Variants in LUZP2 observed in about 807,000 individuals in gnomAD.
The protein encoded by LUZP2 is leucine zipper protein 2.
In LUZP2, 52 loss-of-function variants were observed where a neutral mutation model predicts 51.6. The ratio of observed to expected loss-of-function variants is 1.01; its 90% CI spans 0.81 to 1.27. The LOEUF is 1.27. Among genes scored for constraint, LUZP2 ranks in the 50% most tolerant of loss-of-function variants. The probability of loss-of-function intolerance (pLI) is 0.00; values close to 1 mark genes in which losing one functional copy is unlikely to be tolerated. For missense variants in LUZP2, 436 were observed against 395.4 expected, an observed-to-expected ratio of 1.10 and a Z score of -0.87; for synonymous variants, 154 against 137.3, an observed-to-expected ratio of 1.12 and a Z score of -0.85.
intron 8 of LUZP2, 106 bp downstream of exon 8, chr11:24,976,771 T>A: frequency 1.7e-6 from 1 of 598,420 alleles, no homozygotes; most frequent in Non-Finnish European, 2.6e-6. Context: ...TATTAATGTG[T>A]TTCTAGATGC....
chr11:25,045,050 G>A (rs1411460315), intron 9 of LUZP2, among the ~76,000 whole-genome samples: 2 of 17,642 alleles, frequency 1.1e-4, no homozygotes, highest in Non-Finnish European at 2.0e-4. Context: ...CACACTCTGG[G>A]GACTGTTGTG....
chr11:24,756,522 A>G (rs181566443), intron 4 of LUZP2, among the ~76,000 whole-genome samples: 1 of 152,302 alleles, frequency 6.6e-6, no homozygotes. Flanking sequence ...CCCAGGAATC[A>G]AAGGTTCTTC....
intron 10 of LUZP2, among the ~76,000 whole-genome samples, chr11:25,076,847 A>G (rs1370356095): frequency 6.7e-6 from 1 of 150,354 alleles, no homozygotes; most frequent in Non-Finnish European, 1.5e-5. Context: ...AATGACTGGG[A>G]TCTTAGTTCC....
intron 5 of LUZP2, among the ~76,000 whole-genome samples, chr11:24,887,547 A>G (rs1852709790): frequency 6.6e-6 from 1 of 152,210 alleles, no homozygotes; most frequent in Non-Finnish European, 1.5e-5. Context: ...TGGTGCCTGT[A>G]AGTTATTATC....
At chr11:24,920,451 C>T (rs1352907506) in intron 7 of LUZP2, among the ~76,000 whole-genome samples, 1 of 151,754 alleles carries the variant, frequency 6.6e-6, no homozygotes, top group Non-Finnish European at 1.5e-5. Context: ...GTATCTACTC[C>T]CCCAAAAAGA....
chr11:24,544,846 C>A (rs1274427504), intron 1 of LUZP2, among the ~76,000 whole-genome samples: 3 of 152,016 alleles, frequency 2.0e-5, no homozygotes, highest in African/African-American at 4.8e-5. Context: ...TTTTTTAGGT[C>A]TTTAAGGAAT....
At chr11:25,075,863 T>G (rs1360135956) in intron 10 of LUZP2, among the ~76,000 whole-genome samples, 1 of 152,156 alleles carries the variant, frequency 6.6e-6, no homozygotes, top group East Asian at 1.9e-4. Context: ...CTATAAACCT[T>G]TTTATTTATC....
chr11:25,071,090 C>T (rs1446154), intron 10 of LUZP2, among the ~76,000 whole-genome samples: 135,726 of 151,934 alleles, frequency 0.89, 61,765 homozygotes, highest in Non-Finnish European at 0.98. Context: ...ATGACCATGT[C>T]ATGCAATTTT....
chr11:24,839,514 A>G (rs2134196553), intron 5 of LUZP2, among the ~76,000 whole-genome samples: 1 of 151,812 alleles, frequency 6.6e-6, no homozygotes, highest in African/African-American at 2.4e-5. Context: ...TGTGCTACTG[A>G]ATTTAGTACT....
intron 9 of LUZP2, 36 bp downstream of exon 9, chr11:24,983,329 G>A: frequency 1.3e-6 from 2 of 1,596,410 alleles, no homozygotes; most frequent in Middle Eastern, 1.7e-4. Context: ...TAAAGTAACA[G>A]CAAGTAATGT....
chr11:25,007,553 A>T (rs1037198127), intron 9 of LUZP2, among the ~76,000 whole-genome samples: 22 of 152,080 alleles, frequency 1.4e-4, no homozygotes, highest in Non-Finnish European at 8.8e-5. Flanking sequence ...CAGTGGGCCG[A>T]GCTCACACCA....
intron 1 of LUZP2, among the ~76,000 whole-genome samples, chr11:24,658,801 C>A (rs549176756): frequency 0.017 from 2,635 of 152,274 alleles, 41 homozygotes; most frequent in Non-Finnish European, 0.026. Context: ...ATTTATGCAG[C>A]AAACAGACAC....
intron 5 of LUZP2, among the ~76,000 whole-genome samples, chr11:24,864,913 T>C (rs184531163): frequency 1.3e-5 from 2 of 152,320 alleles, no homozygotes; most frequent in East Asian, 3.9e-4. Context: ...ATTTAAAAAG[T>C]TGATGTTCTC....
intron 10 of LUZP2, 56 bp from the exon 11 acceptor site, chr11:25,077,273 C>T (rs955256763): frequency 2.4e-6 from 3 of 1,275,646 alleles, no homozygotes; most frequent in East Asian, 4.8e-5. Flanking sequence ...TTTGACTCCC[C>T]CCTCCACTTT....
At chr11:24,856,700 A>G (rs1186407479) in intron 5 of LUZP2, among the ~76,000 whole-genome samples, 1 of 152,120 alleles carries the variant, frequency 6.6e-6, no homozygotes, top group Non-Finnish European at 1.5e-5. Context: ...GGATAATTGG[A>G]TAAAGAAAAT....
intron 1 of LUZP2, among the ~76,000 whole-genome samples, chr11:24,542,925 G>GAA (rs375530037): frequency 5.4e-4 from 73 of 135,702 alleles, no homozygotes; most frequent in African/African-American, 1.1e-3. Flanking sequence ...CACACACACA[G>GAA]AAAAAAAAAA....
intron 5 of LUZP2, among the ~76,000 whole-genome samples, chr11:24,795,172 T>C (rs532390627): frequency 5.9e-5 from 9 of 152,290 alleles, no homozygotes; most frequent in African/African-American, 1.9e-4. Context: ...GGTTTATTGA[T>C]TAAAACATCA....
In LUZP2 at chr11:24,868,295, A is replaced by C. The variant is rs564131607; in HGVS notation, c.397-37696A>C. ...TGATATGGCACAAAAGAAATCTACA[A>C]ACAAACCTCACCTCATTAGTTCATT... On this transcript the variant is annotated intron_variant, in intron 5 of 11. Coordinates refer to ENST00000336930, the MANE Select transcript of LUZP2 (RefSeq NM_001009909.4). Among the ~76,000 whole-genome samples, 7 of 151,666 alleles carry C rather than the reference A, an allele frequency of 4.6e-5. No individual in the cohort carries two copies. In the South Asian group the frequency reaches 1.5e-3, roughly 31 times the overall value.
intron 7 of LUZP2, among the ~76,000 whole-genome samples, chr11:24,948,236 G>A (rs914185601): frequency 6.7e-6 from 1 of 150,004 alleles, no homozygotes; most frequent in South Asian, 2.1e-4. Flanking sequence ...TTTGTTTATT[G>A]TACTTTTAAC....
Sources: allele counts gnomAD v4.1 joint callset (sites outside exome capture counted in the v4.1 genomes callset), GRCh38; gene constraint gnomAD v4.1.1; transcripts MANE v1.5; gene names NCBI Gene and HGNC (gene_info 2026-07-23, HGNC 2026-07-21).